The following LAMA4 variants were observed in gnomAD, a reference collection of about 807,000 sequenced individuals.
LAMA4 encodes laminin subunit alpha-4.
In LAMA4, 127 loss-of-function variants were observed where a neutral mutation model predicts 207.1. That is an observed-to-expected ratio of 0.61 (90% CI 0.53 to 0.71). The LOEUF is 0.71. Among genes scored for constraint, LAMA4 ranks in the 30% least tolerant of loss-of-function variants. The pLI is 0.00. For synonymous variants in LAMA4, 761 were observed against 816.0 expected (o/e 0.93, Z 1.15); for missense variants, 2,093 against 2,246.5 (o/e 0.93, Z 1.38).
chr6:112,143,149 C>T (rs1201367252), intron 19 of LAMA4, among the ~76,000 whole-genome samples: 6 of 151,996 alleles, frequency 3.9e-5, no homozygotes, highest in Non-Finnish European at 8.8e-5. Context: ...CTGAATCTTT[C>T]CAAATGATTA....
At chr6:112,252,925 G>A (rs1377056381) in intron 2 of LAMA4, among the ~76,000 whole-genome samples, 4 of 152,096 alleles carry the variant, frequency 2.6e-5, no homozygotes, top group African/African-American at 7.2e-5. Context: ...TGTGGGTAGG[G>A]CTTACTCTGA....
chr6:112,131,002 A>C lies in LAMA4; in HGVS notation c.3934T>G (p.Ser1312Ala). The C allele has an allele frequency of 6.2e-7, 1 of 1,613,124 alleles. No homozygotes were observed. The highest frequency in any genetic ancestry group is 8.5e-7 in the Non-Finnish European group (1 of 1,179,206). The change falls in exon 29 of 39, where the codon TCC becomes GCC. Residue 1312 changes from serine (S) to alanine (A), a missense_variant. Coordinates refer to ENST00000230538, the MANE Select transcript of LAMA4 (RefSeq NM_001105206.3). ...GAGACAGAGCTAATGACGAAGTGGGACAGCCCATCATTGTACTGCTTATCT... is the reference window on the plus strand; with the variant it reads ...GAGACAGAGCTAATGACGAAGTGGGCCAGCCCATCATTGTACTGCTTATCT... ...SVDKQYNDGL[S>A]HFVISSVSPT...
At chr6:112,224,719 G>A (rs1472340083) in intron 2 of LAMA4, among the ~76,000 whole-genome samples, 3 of 151,664 alleles carry the variant, frequency 2.0e-5, no homozygotes, top group East Asian at 3.9e-4. Flanking sequence ...GGGAGGCTGA[G>A]GCAGGGGAAT....
intron 11 of LAMA4, 58 bp from the exon 12 acceptor site, chr6:112,172,862 T>A: frequency 6.8e-7 from 1 of 1,477,240 alleles, no homozygotes. Flanking sequence ...CTTCCATTCC[T>A]CCCAGCATTT....
chr6:112,139,550 C>T (rs782132240), intron 23 of LAMA4, among the ~76,000 whole-genome samples: 37 of 152,206 alleles, frequency 2.4e-4, no homozygotes, highest in African/African-American at 8.9e-4. Context: ...AGGCTGCAAA[C>T]AAGTTGTTTA....
intron 34 of LAMA4, 46 bp downstream of exon 34, chr6:112,119,110 T>C: frequency 6.3e-7 from 1 of 1,597,724 alleles, no homozygotes; most frequent in Non-Finnish European, 8.6e-7. Flanking sequence ...TAGATGATCT[T>C]CTGGCTCTAA....
chr6:112,221,297 T>C (rs1554360543), intron 2 of LAMA4, among the ~76,000 whole-genome samples: 1 of 152,190 alleles, frequency 6.6e-6, no homozygotes, highest in Non-Finnish European at 1.5e-5. Context: ...CTGATTGGAA[T>C]AGTTATTTGC....
intron 12 of LAMA4, among the ~76,000 whole-genome samples, chr6:112,165,782 A>G (rs1781349942): frequency 6.6e-6 from 1 of 152,238 alleles, no homozygotes; most frequent in Non-Finnish European, 1.5e-5. Context: ...TAAAGCATCA[A>G]ATTTTAATCT....
At chr6:112,176,502 G>A (rs1782034205) in intron 10 of LAMA4, among the ~76,000 whole-genome samples, 2 of 152,158 alleles carry the variant, frequency 1.3e-5, no homozygotes, top group South Asian at 2.1e-4. Context: ...GGTCGCCAGC[G>A]GTTATTTTAG....
At chr6:112,223,429 C>T (rs576816592) in intron 2 of LAMA4, among the ~76,000 whole-genome samples, 1 of 152,338 alleles carries the variant, frequency 6.6e-6, no homozygotes, top group South Asian at 2.1e-4. Flanking sequence ...TTATAAATCA[C>T]AGCTAATAAT....
Position 112,201,597 on chromosome 6 carries a change from T to C in LAMA4, c.503+11A>G. Reference sequence around the variant, plus strand: ...GACCCACACAGAAAATAGAGAATTTTATTGGCTTACCTTTCACAGTTAGGT... The same window carrying C: ...GACCCACACAGAAAATAGAGAATTTCATTGGCTTACCTTTCACAGTTAGGT... On this transcript the variant is annotated intron_variant, in intron 5 of 38. Transcript: ENST00000230538. 1 of 1,610,032 alleles carries C rather than the reference T, an allele frequency of 6.2e-7. No homozygotes were observed. Among genetic ancestry groups the C allele is most frequent in the Non-Finnish European group, 8.5e-7 (1 of 1,176,298 alleles).
At chr6:112,215,511 T>A (rs556423194) in intron 3 of LAMA4, among the ~76,000 whole-genome samples, 2 of 136,276 alleles carry the variant, frequency 1.5e-5, no homozygotes, top group African/African-American at 6.4e-5. Context: ...AAAAATACTC[T>A]TGTAGTTTTG....
intron 5 of LAMA4, among the ~76,000 whole-genome samples, chr6:112,199,282 C>A (rs552185217): frequency 6.6e-5 from 10 of 152,312 alleles, no homozygotes; most frequent in African/African-American, 2.2e-4. Flanking sequence ...GGTGATTTCA[C>A]TTCTGCGAGC....
At chr6:112,196,815 T>C (rs1783446439) in intron 5 of LAMA4, among the ~76,000 whole-genome samples, 1 of 152,208 alleles carries the variant, frequency 6.6e-6, no homozygotes, top group Admixed American at 6.5e-5. Flanking sequence ...GCTGTTGCTA[T>C]TTCTTATTGA....
chr6:112,204,017 T>C (rs781952565), intron 4 of LAMA4, among the ~76,000 whole-genome samples: 8 of 152,198 alleles, frequency 5.3e-5, no homozygotes, highest in Non-Finnish European at 7.3e-5. Context: ...CATTCCACAG[T>C]TGGCAACTTT....
intron 2 of LAMA4, among the ~76,000 whole-genome samples, chr6:112,222,186 T>G (rs1053412331): frequency 3.9e-5 from 6 of 152,218 alleles, no homozygotes; most frequent in Non-Finnish European, 7.3e-5. Flanking sequence ...CATCCTCCCT[T>G]GGGTATCTCT....
chr6:112,250,501 A>G (rs782791780), intron 2 of LAMA4, among the ~76,000 whole-genome samples: 9 of 152,206 alleles, frequency 5.9e-5, no homozygotes, highest in Non-Finnish European at 1.3e-4. Flanking sequence ...AATAATGACA[A>G]CAATAGCAAA....
At chr6:112,220,692 C>G (rs1381488935) in intron 2 of LAMA4, among the ~76,000 whole-genome samples, 1 of 152,006 alleles carries the variant, frequency 6.6e-6, no homozygotes, top group South Asian at 2.1e-4. Context: ...TTTGAAGAGC[C>G]CCTTGAGAGC....
chr6:112,182,621 T>C (rs572286188), intron 9 of LAMA4, among the ~76,000 whole-genome samples: 7 of 152,200 alleles, frequency 4.6e-5, no homozygotes, highest in Non-Finnish European at 1.0e-4. Context: ...TAGCTTCTGC[T>C]GTGGTTCAAG....
Sources: allele counts gnomAD v4.1 joint callset (sites outside exome capture counted in the v4.1 genomes callset), GRCh38; gene constraint gnomAD v4.1.1; transcripts MANE v1.5; gene names NCBI Gene and HGNC (gene_info 2026-07-23, HGNC 2026-07-21).